The following FGGY variants were observed in gnomAD, a reference collection of about 807,000 sequenced individuals.
The protein encoded by FGGY is FGGY carbohydrate kinase domain-containing protein.
Under a neutral mutation model 71.3 loss-of-function variants are expected in FGGY, and 72 were observed. The observed-to-expected ratio is 1.01, with a 90% CI of 0.84 to 1.23. The LOEUF (loss-of-function observed/expected upper bound fraction) is 1.23. Among genes scored for constraint, FGGY ranks in the 50% most tolerant of loss-of-function variants. The pLI, the probability that FGGY is intolerant of heterozygous loss-of-function variation, is 0.00. For missense variants in FGGY, 668 were observed against 682.3 expected, an observed-to-expected ratio of 0.98 and a Z score of 0.23; for synonymous variants, 251 against 250.3, an observed-to-expected ratio of 1.00 and a Z score of -0.02.
intron 1 of FGGY, among the ~76,000 whole-genome samples, chr1:59,298,784 A>G (rs1408229863): frequency 6.6e-6 from 1 of 152,202 alleles, no homozygotes. Flanking sequence ...AGAACGTGCT[A>G]CAGAGATCAC....
intron 6 of FGGY, among the ~76,000 whole-genome samples, chr1:59,462,251 C>A (rs1433558820): frequency 2.0e-5 from 3 of 152,010 alleles, no homozygotes; most frequent in Non-Finnish European, 4.4e-5. Context: ...AACTGGCTAG[C>A]CATATGTAGA....
At chr1:59,679,624 T>G (rs1444847292) in intron 14 of FGGY, among the ~76,000 whole-genome samples, 2 of 152,138 alleles carry the variant, frequency 1.3e-5, no homozygotes, top group African/African-American at 4.8e-5. Context: ...AATTATTTAC[T>G]TATTAACTAT....
chr1:59,663,222 G>C (rs72919649), intron 12 of FGGY, among the ~76,000 whole-genome samples: 1 of 152,138 alleles, frequency 6.6e-6, no homozygotes, highest in Admixed American at 6.5e-5. Flanking sequence ...ACCATTTGCC[G>C]AGGTCAAACA....
chr1:59,754,225 A>C (rs951987782), intron 14 of FGGY, among the ~76,000 whole-genome samples: 6 of 152,234 alleles, frequency 3.9e-5, no homozygotes, highest in Non-Finnish European at 8.8e-5. Flanking sequence ...AGGTGTTTAC[A>C]GCTAGCTCTG....
chr1:59,669,733 C>T (rs1214858064), intron 13 of FGGY, among the ~76,000 whole-genome samples: 1 of 152,032 alleles, frequency 6.6e-6, no homozygotes, highest in Non-Finnish European at 1.5e-5. Flanking sequence ...AACTTCCTAT[C>T]TGGATGCAAG....
intron 1 of FGGY, among the ~76,000 whole-genome samples, chr1:59,314,036 G>A (rs961287814): frequency 6.6e-6 from 1 of 151,296 alleles, no homozygotes; most frequent in Admixed American, 6.6e-5. Context: ...GCGCAATCTC[G>A]CTCACTGCAA....
intron 14 of FGGY, among the ~76,000 whole-genome samples, chr1:59,686,365 G>C (rs1473274539): frequency 6.6e-6 from 1 of 152,126 alleles, no homozygotes; most frequent in Non-Finnish European, 1.5e-5. Context: ...AATCGAGAAG[G>C]GCAACAGATG....
intron 4 of FGGY, among the ~76,000 whole-genome samples, chr1:59,367,009 T>A (rs962589957): frequency 6.6e-6 from 1 of 152,158 alleles, no homozygotes; most frequent in Non-Finnish European, 1.5e-5. Flanking sequence ...ATCATAATGA[T>A]CACAGCCAAG....
intron 4 of FGGY, among the ~76,000 whole-genome samples, chr1:59,373,599 G>A (rs1162981657): frequency 6.6e-6 from 1 of 152,132 alleles, no homozygotes; most frequent in African/African-American, 2.4e-5. Context: ...GCATCCCCAA[G>A]TCAATCCTAA....
intron 14 of FGGY, among the ~76,000 whole-genome samples, chr1:59,712,672 T>C (rs2097803889): frequency 6.6e-6 from 1 of 152,046 alleles, no homozygotes; most frequent in South Asian, 2.1e-4. Context: ...GCTTGCACCC[T>C]CTGAAGCCAC....
intron 14 of FGGY, among the ~76,000 whole-genome samples, chr1:59,676,869 C>G (rs2153983475): frequency 6.6e-6 from 1 of 152,244 alleles, no homozygotes; most frequent in South Asian, 2.1e-4. Flanking sequence ...GACAGACTCC[C>G]CATAGTCTGG....
At chr1:59,697,970 G>A (rs948097280) in intron 14 of FGGY, among the ~76,000 whole-genome samples, 1 of 152,132 alleles carries the variant, frequency 6.6e-6, no homozygotes, top group South Asian at 2.1e-4. Flanking sequence ...CCTCAGTTCT[G>A]TAATCTGTAC....
intron 13 of FGGY, among the ~76,000 whole-genome samples, chr1:59,669,190 G>T (rs1169641490): frequency 1.3e-5 from 2 of 152,138 alleles, no homozygotes; most frequent in Non-Finnish European, 2.9e-5. Flanking sequence ...GTGGGTAGGT[G>T]AATTAAATTG....
At chr1:59,352,622 A>G (rs1248122611) in intron 4 of FGGY, among the ~76,000 whole-genome samples, 4 of 152,152 alleles carry the variant, frequency 2.6e-5, no homozygotes, top group African/African-American at 9.7e-5. Context: ...TTGGATGGCT[A>G]GAGAGGTGGT....
intron 14 of FGGY, among the ~76,000 whole-genome samples, chr1:59,742,064 C>T (rs1312975979): frequency 6.6e-6 from 1 of 152,160 alleles, no homozygotes; most frequent in East Asian, 1.9e-4. Flanking sequence ...GATCATGCCA[C>T]TGCACTCCAG....
chr1:59,379,673 T>C (rs2153338878), intron 5 of FGGY, among the ~76,000 whole-genome samples: 1 of 152,328 alleles, frequency 6.6e-6, no homozygotes, highest in East Asian at 1.9e-4. Context: ...TTGCTTACTG[T>C]AACATTTTTT....
intron 9 of FGGY, among the ~76,000 whole-genome samples, chr1:59,619,786 T>C (rs1193990062): frequency 2.0e-5 from 3 of 152,082 alleles, no homozygotes; most frequent in Non-Finnish European, 2.9e-5. Context: ...TCATTCTTAC[T>C]GCTGCCTACT....
chr1:59,584,296 C>T (rs1311864326), intron 8 of FGGY, among the ~76,000 whole-genome samples: 1 of 149,806 alleles, frequency 6.7e-6, no homozygotes, highest in Non-Finnish European at 1.5e-5. Flanking sequence ...CCGAATTCAG[C>T]AGCACATCAA....
intron 14 of FGGY, among the ~76,000 whole-genome samples, chr1:59,681,994 A>G (rs570167565): frequency 2.0e-5 from 3 of 152,360 alleles, no homozygotes; most frequent in Non-Finnish European, 4.4e-5. Flanking sequence ...GCAGTGAACC[A>G]TAAAAAACTA....
Sources: allele counts gnomAD v4.1 joint callset (sites outside exome capture counted in the v4.1 genomes callset), GRCh38; gene constraint gnomAD v4.1.1; transcripts MANE v1.5; gene names NCBI Gene and HGNC (gene_info 2026-07-23, HGNC 2026-07-21).